The following DTWD2 variants were observed in gnomAD, a reference collection of about 807,000 sequenced individuals.
DTWD2 encodes tRNA-uridine aminocarboxypropyltransferase 2.
DTWD2 carries 39 observed loss-of-function variants against 31.8 expected under a neutral mutation model. The observed-to-expected ratio is 1.22, with a 90% CI of 0.95 to 1.60. DTWD2 has a LOEUF of 1.60. DTWD2 is among the 40% of genes most tolerant of loss of function. The pLI is 0.00. For synonymous variants in DTWD2, 180 were observed against 142.8 expected, an observed-to-expected ratio of 1.26 and a Z score of -1.86; for missense variants, 515 against 381.5, an observed-to-expected ratio of 1.35 and a Z score of -2.92.
chr5:118,908,353 G>A (rs1258355004), intron 4 of DTWD2, among the ~76,000 whole-genome samples: 2 of 152,096 alleles, frequency 1.3e-5, no homozygotes, highest in East Asian at 3.9e-4. Context: ...GGCAGCCAGT[G>A]TATCTAACAC....
At chr5:118,936,397 C>T (rs1754045428) in intron 3 of DTWD2, among the ~76,000 whole-genome samples, 2 of 151,592 alleles carry the variant, frequency 1.3e-5, no homozygotes, top group South Asian at 4.2e-4. Flanking sequence ...TTTAATTGAG[C>T]CCAAGAGTTC....
intron 1 of DTWD2, among the ~76,000 whole-genome samples, chr5:118,956,402 G>A (rs918375762): frequency 6.6e-6 from 1 of 152,134 alleles, no homozygotes; most frequent in African/African-American, 2.4e-5. Context: ...TAAGGATGTA[G>A]AAATAAATAC....
chr5:118,914,794 T>C (rs1753536850), intron 4 of DTWD2, among the ~76,000 whole-genome samples: 1 of 152,158 alleles, frequency 6.6e-6, no homozygotes, highest in African/African-American at 2.4e-5. Flanking sequence ...CAGTTCAATA[T>C]TAGGAAGCAT....
At chr5:118,914,941 A>T (rs1753539926) in intron 4 of DTWD2, among the ~76,000 whole-genome samples, 1 of 152,194 alleles carries the variant, frequency 6.6e-6, no homozygotes, top group Non-Finnish European at 1.5e-5. Context: ...ATATATTAAT[A>T]TAAATTTAAT....
chr5:118,921,527 A>T (rs1753703984), intron 4 of DTWD2, among the ~76,000 whole-genome samples: 4 of 151,918 alleles, frequency 2.6e-5, no homozygotes. Context: ...CTCTTAAAAA[A>T]AAAAAAAGAA....
intron 4 of DTWD2, among the ~76,000 whole-genome samples, chr5:118,907,883 T>G (rs900765963): frequency 1.3e-5 from 2 of 152,302 alleles, no homozygotes; most frequent in East Asian, 3.9e-4. Context: ...CCACCCATAT[T>G]ATGGCAGACA....
At position 118,838,499 on chromosome 5, in the gene DTWD2, A is replaced by G. The variant is rs1386853769; in HGVS notation, c.*2418T>C. 6.6e-6 allele frequency: 1 copy of G among 152,218 alleles called. No homozygotes were observed. Among genetic ancestry groups the G allele is most frequent in the African/African-American group, 2.4e-5 (1 of 41,454 alleles). The allele number at this position is 152,218 out of a possible 1,614,324, so 9.4% of individuals were successfully genotyped here. ...TTTTCAATTAAAATACTCAGATAAT[A>G]CTACACACTTGAGAACTTTTAGTAA... On this transcript the variant is annotated 3_prime_UTR_variant, in exon 6 of 6. Coordinates refer to ENST00000510708, the MANE Select transcript of DTWD2 (RefSeq NM_173666.4).
chr5:118,931,597 C>T (rs1022526875), intron 3 of DTWD2, among the ~76,000 whole-genome samples: 1 of 151,894 alleles, frequency 6.6e-6, no homozygotes, highest in African/African-American at 2.4e-5. Context: ...AAGGCAAAAA[C>T]CAATAGAACT....
At chr5:118,873,417 C>T (rs967082238) in intron 4 of DTWD2, among the ~76,000 whole-genome samples, 1 of 152,182 alleles carries the variant, frequency 6.6e-6, no homozygotes, top group African/African-American at 2.4e-5. Flanking sequence ...GGGGCCTATA[C>T]CATACCTTCT....
chr5:118,928,617 T>C lies in DTWD2; in HGVS notation c.517A>G (p.Thr173Ala), dbSNP rs932363827. The C allele has an allele frequency of 3.7e-6, 6 of 1,603,000 alleles. No homozygotes were observed. In the African/African-American group the frequency reaches 6.7e-5, roughly 18 times the overall value. The change falls in exon 4 of 6, where the codon ACA (threonine) becomes GCA (alanine). Residue 173 changes from threonine to alanine, a missense_variant. Coordinates refer to ENST00000510708, the MANE Select transcript of DTWD2 (RefSeq NM_173666.4). ...CATGTACCATCAATGATGATGATTG[T>C]AGAAGGATAAACAGGAGAATCTAAT... ...FILDSPVYPS[T>A]IIIIDGTWSQ...
chr5:118,956,286 C>T (rs1375192717), intron 1 of DTWD2, among the ~76,000 whole-genome samples: 1 of 152,156 alleles, frequency 6.6e-6, no homozygotes, highest in African/African-American at 2.4e-5. Flanking sequence ...TTCTTTAAAA[C>T]CTATACAACC....
chr5:118,957,528 G>A (rs996449557), intron 1 of DTWD2, among the ~76,000 whole-genome samples: 1 of 151,974 alleles, frequency 6.6e-6, no homozygotes. Flanking sequence ...CCACTGTTGT[G>A]ATTTTTTAAT....
At chr5:118,947,520 A>T (rs1225860781) in intron 1 of DTWD2, among the ~76,000 whole-genome samples, 1 of 152,180 alleles carries the variant, frequency 6.6e-6, no homozygotes, top group Non-Finnish European at 1.5e-5. Flanking sequence ...GTCAAACTGC[A>T]GTCCCTACCA....
At chr5:118,887,623 G>A (rs1030122675) in intron 4 of DTWD2, among the ~76,000 whole-genome samples, 1 of 152,154 alleles carries the variant, frequency 6.6e-6, no homozygotes, top group Non-Finnish European at 1.5e-5. Context: ...GTTGGCTGGC[G>A]TTTTGTTTTG....
chr5:118,946,530 T>C (rs1315223001), intron 1 of DTWD2, among the ~76,000 whole-genome samples: 1 of 152,076 alleles, frequency 6.6e-6, no homozygotes, highest in Admixed American at 6.6e-5. Context: ...CTAAAATGAT[T>C]CAAAGAATAA....
chr5:118,962,263 T>C (rs898127227), intron 1 of DTWD2, among the ~76,000 whole-genome samples: 6 of 152,136 alleles, frequency 3.9e-5, no homozygotes, highest in African/African-American at 1.4e-4. Context: ...TTATTTGCTA[T>C]AAATTAGAGA....
intron 1 of DTWD2, among the ~76,000 whole-genome samples, chr5:118,972,413 C>T (rs1005295028): frequency 5.3e-5 from 8 of 152,012 alleles, no homozygotes; most frequent in Admixed American, 6.6e-5. Context: ...CCTGCCAAGA[C>T]GAACCAGGAA....
chr5:118,971,934 G>C (rs1192419577), intron 1 of DTWD2, among the ~76,000 whole-genome samples: 1 of 152,140 alleles, frequency 6.6e-6, no homozygotes, highest in Non-Finnish European at 1.5e-5. Flanking sequence ...TGAGAACAAA[G>C]AGACACTGCA....
At chr5:118,877,588 A>G (rs943289093) in intron 4 of DTWD2, among the ~76,000 whole-genome samples, 14 of 152,228 alleles carry the variant, frequency 9.2e-5, no homozygotes, top group African/African-American at 3.4e-4. Context: ...ATCATACTGA[A>G]TGGGCAAAAG....
Sources: allele counts gnomAD v4.1 joint callset (sites outside exome capture counted in the v4.1 genomes callset), GRCh38; gene constraint gnomAD v4.1.1; transcripts MANE v1.5; gene names NCBI Gene and HGNC (gene_info 2026-07-23, HGNC 2026-07-21).